The following NUBPL variants were observed in gnomAD, a reference collection of about 807,000 sequenced individuals.
The protein encoded by NUBPL is iron-sulfur cluster transfer protein NUBPL.
A neutral mutation model predicts 45.7 loss-of-function variants in NUBPL; 31 were observed. That is an observed-to-expected ratio of 0.68 (90% confidence interval 0.51 to 0.92). The LOEUF (loss-of-function observed/expected upper bound fraction) is 0.92. Ranked by LOEUF, NUBPL falls within the 40% of genes least tolerant of loss-of-function variation. The pLI is 0.00. For missense variants in NUBPL, 401 were observed against 398.7 expected, an observed-to-expected ratio of 1.01 and a Z score of -0.05; for synonymous variants, 144 against 140.9, an observed-to-expected ratio of 1.02 and a Z score of -0.15.
intron 6 of NUBPL, among the ~76,000 whole-genome samples, chr14:31,688,840 A>G (rs2037027777): frequency 6.6e-6 from 1 of 151,648 alleles, no homozygotes; most frequent in Non-Finnish European, 1.5e-5. Context: ...AGTAGGCCCC[A>G]GTGTCTGTTG....
At position 31,861,078 on chromosome 14, in the gene NUBPL, T is replaced by G. The variant is rs922841553; in HGVS notation, c.*1898T>G. The G allele has an allele frequency of 2.0e-5, 3 of 152,144 alleles. No homozygotes were observed. Among genetic ancestry groups the G allele is most frequent in the Non-Finnish European group, 2.9e-5 (2 of 68,034 alleles). 9.4% of individuals were successfully genotyped at this position (152,144 alleles called of 1,614,324 possible). A position where few individuals can be genotyped will look rare whatever the true frequency, so the allele number is the denominator to read the frequency against. ...TATATCACAGCTATCGATGTCAGTA[T>G]CCCAGTTGTGATATTGTGCTATAGT... On this transcript the variant is annotated 3_prime_UTR_variant, in exon 11 of 11. Coordinates refer to ENST00000281081, the MANE Select transcript of NUBPL (RefSeq NM_025152.3).
intron 4 of NUBPL, among the ~76,000 whole-genome samples, chr14:31,611,356 T>G (rs1427739272): frequency 6.6e-6 from 1 of 152,000 alleles, no homozygotes; most frequent in African/African-American, 2.4e-5. Context: ...TACTTAGGAA[T>G]TAACCAAAAA....
chr14:31,646,882 G>A (rs1293476526), intron 4 of NUBPL, among the ~76,000 whole-genome samples: 1 of 151,068 alleles, frequency 6.6e-6, no homozygotes, highest in African/African-American at 2.4e-5. Flanking sequence ...ATATCTTGTA[G>A]GCAATCTTTG....
intron 3 of NUBPL, among the ~76,000 whole-genome samples, chr14:31,590,816 C>T (rs899816690): frequency 6.6e-6 from 1 of 152,126 alleles, no homozygotes; most frequent in Admixed American, 6.5e-5. Flanking sequence ...TGGTAGAAGG[C>T]GTTCTAATTT....
At chr14:31,621,840 C>T (rs185204955) in intron 4 of NUBPL, among the ~76,000 whole-genome samples, 8 of 152,182 alleles carry the variant, frequency 5.3e-5, no homozygotes, top group East Asian at 1.9e-4. Context: ...AAATTGGTAC[C>T]GGTAGAGTGG....
chr14:31,610,429 T>C (rs574243432), intron 4 of NUBPL, among the ~76,000 whole-genome samples: 2 of 151,374 alleles, frequency 1.3e-5, no homozygotes, highest in African/African-American at 4.8e-5. Flanking sequence ...TAATAAAAAG[T>C]CTCCCAGTAA....
rs530118116 is a variant in NUBPL at position 31,700,788 on chromosome 14, A to G, written c.513+27214A>G. Among the ~76,000 whole-genome samples, 4 of 152,254 alleles carry G rather than the reference A, an allele frequency of 2.6e-5. No homozygotes were observed. The East Asian group carries it at 7.7e-4, about 29-fold the overall frequency. Reference sequence around the variant, plus strand: ...GGCCTCAGCCGCCCCTCCACAGGGCAGGGCTCAGGACCTGCAGCCTGCCAT... The same window carrying G: ...GGCCTCAGCCGCCCCTCCACAGGGCGGGGCTCAGGACCTGCAGCCTGCCAT... On this transcript the variant is annotated intron_variant, in intron 6 of 10. Coordinates refer to ENST00000281081, the MANE Select transcript of NUBPL (RefSeq NM_025152.3).
intron 4 of NUBPL, among the ~76,000 whole-genome samples, chr14:31,662,704 C>CATCATTGAT (rs1329103115): frequency 6.6e-6 from 1 of 152,058 alleles, no homozygotes; most frequent in Non-Finnish European, 1.5e-5. Context: ...TTATCCAGTC[C>CATCATTGAT]ATCATTGATG....
At chr14:31,654,790 A>C (rs1369837113) in intron 4 of NUBPL, among the ~76,000 whole-genome samples, 1 of 152,204 alleles carries the variant, frequency 6.6e-6, no homozygotes, top group Non-Finnish European at 1.5e-5. Context: ...TGTCTATAGC[A>C]TGTAATGCTG....
At chr14:31,756,719 C>G (rs1406946937) in intron 6 of NUBPL, among the ~76,000 whole-genome samples, 1 of 151,118 alleles carries the variant, frequency 6.6e-6, no homozygotes, top group Non-Finnish European at 1.5e-5. Flanking sequence ...TTGCCCTGGC[C>G]AGAACTTCCA....
intron 4 of NUBPL, among the ~76,000 whole-genome samples, chr14:31,655,956 C>T (rs1229638438): frequency 6.6e-6 from 1 of 152,190 alleles, no homozygotes; most frequent in African/African-American, 2.4e-5. Context: ...GTATCTTCTT[C>T]CATTTCATCT....
chr14:31,850,807 G>A lies in NUBPL; in HGVS notation c.897+606G>A, dbSNP rs183816517. Among the ~76,000 whole-genome samples the A allele has an allele frequency of 1.1e-4, 16 of 151,670 alleles. 1 individual carries two copies. Among genetic ancestry groups the A allele is most frequent in the Admixed American group, 1.1e-3 (16 of 15,222 alleles). On this transcript the variant is annotated intron_variant, in intron 10 of 10. Transcript: ENST00000281081. ...TGCCCTGCTAATTTTTTTTTTTATG[G>A]AGACAGGGTCTCACTATGTTGTCCA...
intron 6 of NUBPL, among the ~76,000 whole-genome samples, chr14:31,694,937 T>G (rs2037180296): frequency 6.6e-6 from 1 of 152,262 alleles, no homozygotes; most frequent in African/African-American, 2.4e-5. Flanking sequence ...GTTACAGATC[T>G]ACTTTTGACT....
intron 4 of NUBPL, among the ~76,000 whole-genome samples, chr14:31,641,526 T>C (rs1403975888): frequency 6.6e-6 from 1 of 152,220 alleles, no homozygotes; most frequent in East Asian, 1.9e-4. Context: ...TTTTTATGGC[T>C]GATTAATATT....
At chr14:31,714,512 C>A in intron 6 of NUBPL, 1 of 159,168 alleles carries the variant, frequency 6.3e-6, no homozygotes, top group Non-Finnish European at 1.4e-5. Flanking sequence ...AGGTGGGGAG[C>A]AGGCGCAGCA....
rs113107978 is a variant in NUBPL, at chr14:31,588,609, T to TAAAA, written c.292-10677_292-10676insAAAA. ...CTTTAATATGTTAATTTTTTTTTTT[T>TAAAA]AAATCCTTAAAAATAGTAATCACCC... On this transcript the variant is annotated intron_variant, in intron 3 of 10. Transcript: ENST00000281081. 1.9e-4 allele frequency among the ~76,000 whole-genome samples: 29 copies of TAAAA among 151,890 alleles called. No homozygotes were observed. The South Asian group carries it at 6.0e-3, about 32-fold the overall frequency.
chr14:31,565,955 A>G (rs2139447296), intron 3 of NUBPL, among the ~76,000 whole-genome samples: 1 of 152,162 alleles, frequency 6.6e-6, no homozygotes, highest in East Asian at 1.9e-4. Flanking sequence ...ATATTAAAAA[A>G]AATAACATTC....
chr14:31,706,514 G>C (rs1209516339), intron 6 of NUBPL, among the ~76,000 whole-genome samples: 1 of 152,188 alleles, frequency 6.6e-6, no homozygotes, highest in African/African-American at 2.4e-5. Context: ...TCCAGAGGTT[G>C]GTATAAGAGT....
chr14:31,793,704 T>C (rs2039424832), intron 7 of NUBPL, among the ~76,000 whole-genome samples: 3 of 152,168 alleles, frequency 2.0e-5, no homozygotes, highest in Admixed American at 2.0e-4. Context: ...TTCCTATTTA[T>C]CATAGTATCT....
Sources: gnomAD v4.1 joint callset for allele counts (sites outside exome capture counted in the v4.1 genomes callset) on GRCh38, gnomAD v4.1.1 for gene constraint, MANE v1.5 for transcripts, NCBI Gene and HGNC (gene_info 2026-07-23, HGNC 2026-07-21) for gene names.